Variants in UNC13B observed in about 807,000 individuals in gnomAD.
The protein encoded by UNC13B is unc-13 homolog B, also known as protein unc-13 homolog B.
A neutral mutation model predicts 211.0 loss-of-function variants in UNC13B; 144 were observed. That is an observed-to-expected ratio of 0.68 (90% CI 0.60 to 0.78). UNC13B has a LOEUF of 0.78. Among genes scored for constraint, UNC13B ranks in the 30% least tolerant of loss-of-function variants. The pLI is 0.00. For synonymous variants in UNC13B, 709 were observed against 725.8 expected (o/e 0.98, Z 0.37); for missense variants, 1,777 against 2,002.0 (o/e 0.89, Z 2.14).
At chr9:35,327,342 G>T (rs1339796137) in intron 11 of UNC13B, among the ~76,000 whole-genome samples, 7 of 152,166 alleles carry the variant, frequency 4.6e-5, no homozygotes, top group Admixed American at 4.6e-4. Flanking sequence ...AAAGAGAGGA[G>T]CCAGTAGAGG....
chr9:35,367,213 T>G (rs1380463447), intron 12 of UNC13B, among the ~76,000 whole-genome samples: 1 of 152,192 alleles, frequency 6.6e-6, no homozygotes, highest in African/African-American at 2.4e-5. Flanking sequence ...GTTACCCTGG[T>G]GCAGGGGAGG....
chr9:35,188,928 T>C (rs991571829), intron 1 of UNC13B, among the ~76,000 whole-genome samples: 1 of 152,236 alleles, frequency 6.6e-6, no homozygotes, highest in Admixed American at 6.5e-5. Context: ...TATAACCCTT[T>C]TTACTAAAGG....
At position 35,305,049 on chromosome 9, in the gene UNC13B, C is replaced by G; in HGVS notation, c.5645C>G (p.Ser1882Cys). 2.5e-6 allele frequency: 1 copy of G among 398,930 alleles called. No homozygotes were observed. Among genetic ancestry groups the G allele is most frequent in the Non-Finnish European group, 4.4e-6 (1 of 226,006 alleles). 24.7% of individuals were successfully genotyped at this position (398,930 alleles called of 1,614,324 possible). The change falls in exon 9 of 40, where the codon TCT becomes TGT. Residue 1882 changes from serine to cysteine, a missense_variant. Coordinates refer to ENST00000635942, the MANE Select transcript of UNC13B (RefSeq NM_001371189.2). ...VKDDEIITTD[S>C]ISVSPAPQHS... ...GATGATGAAATCATTACAACAGACT[C>G]TATTTCAGTTTCTCCTGCACCTCAG...
intron 7 of UNC13B, among the ~76,000 whole-genome samples, chr9:35,260,628 A>G (rs1462240001): frequency 6.6e-6 from 1 of 152,190 alleles, no homozygotes; most frequent in Non-Finnish European, 1.5e-5. Context: ...GGTAGAGGTG[A>G]ACTTTTTTTT....
chr9:35,250,247 G>T (rs1826379377), intron 6 of UNC13B, among the ~76,000 whole-genome samples: 1 of 151,914 alleles, frequency 6.6e-6, no homozygotes, highest in South Asian at 2.1e-4. Flanking sequence ...CTTCATAGTT[G>T]TGCCCATGGA....
intron 11 of UNC13B, among the ~76,000 whole-genome samples, chr9:35,364,317 A>G (rs555563271): frequency 1.3e-5 from 2 of 152,112 alleles, no homozygotes; most frequent in Non-Finnish European, 2.9e-5. Context: ...TTAGTTTGGA[A>G]CATCTCCAGG....
At chr9:35,371,394 G>T (rs1211897977) in intron 13 of UNC13B, among the ~76,000 whole-genome samples, 1 of 147,646 alleles carries the variant, frequency 6.8e-6, no homozygotes, top group Non-Finnish European at 1.5e-5. Context: ...TACCCAGGCT[G>T]GTCTCAAACT....
chr9:35,361,529 A>C (rs771086825), intron 11 of UNC13B: 3 of 152,212 alleles, frequency 2.0e-5, no homozygotes, highest in Non-Finnish European at 1.5e-5. Flanking sequence ...CCTGAAAGTT[A>C]TAGTTTTCTT....
intron 1 of UNC13B, among the ~76,000 whole-genome samples, chr9:35,198,267 T>G (rs1017943963): frequency 9.9e-5 from 15 of 152,204 alleles, no homozygotes; most frequent in Non-Finnish European, 2.2e-4. Flanking sequence ...GCTTTTCTCC[T>G]GTGAGTGAGT....
chr9:35,386,029 C>A, intron 23 of UNC13B, 136 bp from the exon 24 acceptor site: 1 of 1,464,744 alleles, frequency 6.8e-7, no homozygotes, highest in Non-Finnish European at 9.2e-7. Flanking sequence ...ACTATCCTGG[C>A]AATTTCATCA....
chr9:35,203,654 T>C (rs189912479), intron 1 of UNC13B, among the ~76,000 whole-genome samples: 1 of 152,328 alleles, frequency 6.6e-6, no homozygotes, highest in East Asian at 1.9e-4. Context: ...TTAGGGTATG[T>C]GGTGGAAGAA....
At chr9:35,183,357 C>T (rs1403228156) in intron 1 of UNC13B, among the ~76,000 whole-genome samples, 2 of 136,786 alleles carry the variant, frequency 1.5e-5, no homozygotes, top group East Asian at 2.3e-4. Context: ...CCAGGCGGGG[C>T]GGCCGGGCAG....
At chr9:35,163,551 CTATT>C (rs1334590675) in intron 1 of UNC13B, among the ~76,000 whole-genome samples, 3 of 152,160 alleles carry the variant, frequency 2.0e-5, no homozygotes, top group Non-Finnish European at 2.9e-5. Context: ...AGCTGGGAAT[CTATT>C]TATTCCTTTA....
chr9:35,277,808 T>C (rs1459646673), intron 7 of UNC13B, among the ~76,000 whole-genome samples: 3 of 151,876 alleles, frequency 2.0e-5, no homozygotes, highest in Admixed American at 6.6e-5. Context: ...ATTCACATTG[T>C]GTACACAGTA....
rs569387609 is a variant in UNC13B at position 35,165,983 on chromosome 9, C to A, written c.22+3678C>A. ...AATTATAAGCATTTTTAGAATCAGACCTTTCCATAATATTTCTCTGTAATT... is the reference window on the plus strand; with the variant it reads ...AATTATAAGCATTTTTAGAATCAGAACTTTCCATAATATTTCTCTGTAATT... On this transcript the variant is annotated intron_variant, in intron 1 of 39. Coordinates refer to ENST00000635942, the MANE Select transcript of UNC13B (RefSeq NM_001371189.2). 6.6e-5 allele frequency among the ~76,000 whole-genome samples: 10 copies of A among 152,236 alleles called. No homozygotes were observed. In the East Asian group the frequency reaches 1.9e-3, roughly 29 times the overall value.
In UNC13B at chr9:35,302,670, A is replaced by G. The variant is rs1208260625; in HGVS notation, c.3266A>G (p.His1089Arg). ...ATCCCTGGAGTTGTGCCCAAAGAAC[A>G]TATAACTTCAGATCCTTTAGGAGAA... ...LAIPGVVPKE[H>R]ITSDPLGEDK... Residue 1089 changes from histidine to arginine, a missense_variant, in exon 9 of 40, where the codon CAT (histidine) becomes CGT (arginine). His to Arg is a conservative substitution (Grantham distance 29). Coordinates refer to ENST00000635942, the MANE Select transcript of UNC13B (RefSeq NM_001371189.2). 7.5e-6 allele frequency: 3 copies of G among 398,560 alleles called. No homozygotes were observed. The highest frequency in any genetic ancestry group is 3.6e-5 in the East Asian group (1 of 28,078). The allele number at this position is 398,560 out of a possible 1,614,324, so 24.7% of individuals were successfully genotyped here.
At chr9:35,242,111 G>A (rs1825844730) in intron 5 of UNC13B, among the ~76,000 whole-genome samples, 1 of 152,088 alleles carries the variant, frequency 6.6e-6, no homozygotes, top group South Asian at 2.1e-4. Flanking sequence ...GTTTTGGGGA[G>A]AAGTTGTTAT....
chr9:35,396,921 G>T lies in UNC13B; in HGVS notation c.11516G>T (p.Arg3839Leu). 6.2e-7 allele frequency: 1 copy of T among 1,614,162 alleles called. No individual in the cohort carries two copies. The highest frequency in any genetic ancestry group is 1.1e-5 in the South Asian group (1 of 91,072). ...SLEFLRGALE[R>L]DKKDGFQQTS... Reference sequence around the variant, plus strand: ...GAATTCCTGCGTGGGGCCCTGGAACGAGATAAGAAGGATGGAGTAAGTCAG... The same window carrying T: ...GAATTCCTGCGTGGGGCCCTGGAACTAGATAAGAAGGATGGAGTAAGTCAG... Residue 3839 changes from arginine (R) to leucine (L), a missense_variant, in exon 28 of 40, where the codon CGA becomes CTA. Transcript: ENST00000635942.
intron 1 of UNC13B, among the ~76,000 whole-genome samples, chr9:35,194,905 GCTCT>G (rs1822852938): frequency 6.6e-6 from 1 of 152,156 alleles, no homozygotes; most frequent in South Asian, 2.1e-4. Flanking sequence ...AAGGAAAACA[GCTCT>G]CTCTCTAGTG....
Sources: allele counts gnomAD v4.1 joint callset (sites outside exome capture counted in the v4.1 genomes callset), GRCh38; gene constraint gnomAD v4.1.1; transcripts MANE v1.5; gene names NCBI Gene and HGNC (gene_info 2026-07-23, HGNC 2026-07-21).